LRBA: variants seen among roughly 807,000 people sequenced by gnomAD.
LRBA encodes LPS responsive beige-like anchor protein, also known as lipopolysaccharide-responsive and beige-like anchor protein.
LRBA carries 176 observed loss-of-function variants against 330.0 expected under a neutral mutation model. The ratio of observed to expected loss-of-function variants is 0.53; its 90% CI spans 0.47 to 0.60. LRBA has a LOEUF of 0.60. LRBA is among the 20% of genes least tolerant of loss of function. The probability of loss-of-function intolerance (pLI) is 0.00; values close to 1 mark genes in which losing one functional copy is unlikely to be tolerated. For synonymous variants in LRBA, 1,230 were observed against 1,193.0 expected (o/e 1.03, Z -0.64); for missense variants, 3,259 against 3,444.8 (o/e 0.95, Z 1.35).
chr4:150,703,707 A>G (rs1033496182), intron 36 of LRBA, among the ~76,000 whole-genome samples: 1 of 152,194 alleles, frequency 6.6e-6, no homozygotes, highest in African/African-American at 2.4e-5. Flanking sequence ...ACATGATTGT[A>G]ATAAGAGAAG....
At chr4:150,487,355 C>A (rs1758003711) in intron 42 of LRBA, among the ~76,000 whole-genome samples, 1 of 150,666 alleles carries the variant, frequency 6.6e-6, no homozygotes, top group Admixed American at 6.6e-5. Context: ...TTAAACTTTC[C>A]ATAAAAGAGA....
chr4:151,008,683 G>A (rs1274275907), intron 2 of LRBA, among the ~76,000 whole-genome samples: 1 of 151,654 alleles, frequency 6.6e-6, no homozygotes, highest in Non-Finnish European at 1.5e-5. Context: ...GTTTAAAAAA[G>A]CCACCTCTAG....
chr4:150,831,555 T>G (rs963191392), intron 29 of LRBA, among the ~76,000 whole-genome samples: 4 of 152,190 alleles, frequency 2.6e-5, no homozygotes, highest in African/African-American at 9.6e-5. Context: ...GCAAATGAAG[T>G]CAATAAAATT....
intron 31 of LRBA, among the ~76,000 whole-genome samples, chr4:150,812,689 T>C (rs1743919719): frequency 1.3e-5 from 2 of 152,282 alleles, no homozygotes; most frequent in South Asian, 4.1e-4. Context: ...AAGTACTAAT[T>C]AATAATGTAT....
At chr4:150,738,572 G>C (rs1202796434) in intron 35 of LRBA, among the ~76,000 whole-genome samples, 1 of 152,114 alleles carries the variant, frequency 6.6e-6, no homozygotes, top group Non-Finnish European at 1.5e-5. Flanking sequence ...AAATCTAAAA[G>C]TATACTGAAT....
At position 150,908,410 on chromosome 4, in the gene LRBA, C is replaced by T. The variant is rs1404938402; in HGVS notation, c.1417G>A (p.Val473Ile). ...GCAAAAAGTGGAAATAGTACTTGTA[C>T]TCCTCCAATTGAATGCATTGCACTT... ...IQSAMHSIGGVQVLFPLFAQL... is the reference protein window; with the variant it reads ...IQSAMHSIGGIQVLFPLFAQL... Residue 473 changes from valine (V) to isoleucine (I), a missense_variant, in exon 11 of 57, where the codon GTA becomes ATA. Transcript: ENST00000651943. The T allele has an allele frequency of 5.0e-6, 8 of 1,610,432 alleles. No individual in the cohort carries two copies. Among genetic ancestry groups the T allele is most frequent in the Non-Finnish European group, 6.8e-6 (8 of 1,178,978 alleles).
intron 30 of LRBA, among the ~76,000 whole-genome samples, chr4:150,821,966 T>C (rs950974234): frequency 6.6e-6 from 1 of 151,554 alleles, no homozygotes; most frequent in African/African-American, 2.4e-5. Flanking sequence ...ATGAGGAGAG[T>C]TGTGATTTCT....
In LRBA at chr4:150,632,555, T is replaced by G. The variant is rs146345678; in HGVS notation, c.5922-33424A>C. Among the ~76,000 whole-genome samples the G allele has an allele frequency of 3.3e-5, 5 of 152,256 alleles. No homozygotes were observed. In the South Asian group the frequency reaches 1.0e-3, roughly 32 times the overall value. ...AGTCAAATAAGATTTTTTTAAAAAT[T>G]AGACACCATTAGGCTTGGTGCTCCC... is the stretch of plus-strand genomic sequence containing the variant. On this transcript the variant is annotated intron_variant, in intron 37 of 56. Transcript: ENST00000651943.
chr4:150,837,682 T>G (rs566128616), intron 28 of LRBA, among the ~76,000 whole-genome samples: 1 of 152,252 alleles, frequency 6.6e-6, no homozygotes, highest in Non-Finnish European at 1.5e-5. Context: ...AGCCTATGTG[T>G]GTCTCTGCAT....
intron 35 of LRBA, among the ~76,000 whole-genome samples, chr4:150,736,373 T>C (rs1415821737): frequency 6.6e-6 from 1 of 151,980 alleles, no homozygotes; most frequent in Non-Finnish European, 1.5e-5. Context: ...GACATTGAAA[T>C]AAATATAGTT....
intron 37 of LRBA, among the ~76,000 whole-genome samples, chr4:150,666,213 T>C (rs1781542329): frequency 6.6e-6 from 1 of 152,062 alleles, no homozygotes; most frequent in African/African-American, 2.4e-5. Flanking sequence ...AATATTCATA[T>C]AAGAAAACAA....
intron 36 of LRBA, among the ~76,000 whole-genome samples, chr4:150,733,555 GTC>G (rs753439894): frequency 3.4e-5 from 5 of 148,302 alleles, no homozygotes; most frequent in South Asian, 2.2e-4. Context: ...GACTGATTCT[GTC>G]TCTCTCTCTC....
At chr4:150,440,409 T>C (rs1400295970) in intron 44 of LRBA, among the ~76,000 whole-genome samples, 2 of 151,810 alleles carry the variant, frequency 1.3e-5, no homozygotes, top group East Asian at 3.9e-4. Context: ...CAATGAAAAA[T>C]AGGTTTAAGT....
intron 48 of LRBA, among the ~76,000 whole-genome samples, chr4:150,327,623 C>G (rs1733469073): frequency 6.6e-6 from 1 of 152,182 alleles, no homozygotes; most frequent in Non-Finnish European, 1.5e-5. Context: ...TGCTGTTTGA[C>G]TTTAGGCAAT....
In LRBA at chr4:150,312,411, C is replaced by A. The variant is rs186023130; in HGVS notation, c.7694-2027G>T. 2.5e-4 allele frequency among the ~76,000 whole-genome samples: 38 copies of A among 152,020 alleles called. No homozygotes were observed. In the East Asian group the frequency reaches 7.4e-3, roughly 29 times the overall value. Reference sequence around the variant, plus strand: ...ATTCTACTGCTTGAAATTGATTTGCCTGAGAACTCTCCTGTGAGTTTTCCT... The same window carrying A: ...ATTCTACTGCTTGAAATTGATTTGCATGAGAACTCTCCTGTGAGTTTTCCT... On this transcript the variant is annotated intron_variant, in intron 51 of 56. Coordinates refer to ENST00000651943, the MANE Select transcript of LRBA (RefSeq NM_001364905.1).
chr4:150,946,979 G>A (rs1169232376), intron 2 of LRBA, among the ~76,000 whole-genome samples: 1 of 151,094 alleles, frequency 6.6e-6, no homozygotes, highest in East Asian at 1.9e-4. Context: ...ACAACTTAGA[G>A]GAAATGGACC....
intron 30 of LRBA, among the ~76,000 whole-genome samples, chr4:150,825,344 T>G (rs1452088899): frequency 6.6e-6 from 1 of 152,156 alleles, no homozygotes; most frequent in East Asian, 1.9e-4. Context: ...ACACTAGTCA[T>G]CTCAGAGCAC....
chr4:150,900,421 T>G (rs1309820508), intron 13 of LRBA, among the ~76,000 whole-genome samples: 1 of 152,176 alleles, frequency 6.6e-6, no homozygotes, highest in East Asian at 1.9e-4. Context: ...AACCAGGTAA[T>G]TTCTTCTTTT....
intron 34 of LRBA, among the ~76,000 whole-genome samples, chr4:150,790,553 C>T (rs1739749900): frequency 1.3e-5 from 2 of 152,112 alleles, no homozygotes; most frequent in Non-Finnish European, 2.9e-5. Context: ...AGAAAGTTAT[C>T]TGTTATAAAA....
Sources: gnomAD v4.1 joint callset for allele counts (sites outside exome capture counted in the v4.1 genomes callset) on GRCh38, gnomAD v4.1.1 for gene constraint, MANE v1.5 for transcripts, NCBI Gene and HGNC (gene_info 2026-07-23, HGNC 2026-07-21) for gene names.